Variants in ZNF280C observed in about 807,000 individuals in gnomAD.
ZNF280C encodes the protein zinc finger protein 280C, also known as suppressor of hairy wing homolog 3.
A neutral mutation model predicts 53.6 loss-of-function variants in ZNF280C; 14 were observed. That is an observed-to-expected ratio of 0.26 (90% CI 0.17 to 0.41). The LOEUF is 0.41. ZNF280C is among the 10% of genes least tolerant of loss of function. The probability of loss-of-function intolerance (pLI) is 1.00; values close to 1 mark genes in which losing one functional copy is unlikely to be tolerated. For synonymous variants in ZNF280C, 203 were observed against 181.1 expected (o/e 1.12, Z -0.97); for missense variants, 416 against 547.1 (o/e 0.76, Z 2.39).
chrX:130,250,648 A>G (rs1357227400), intron 2 of ZNF280C, among the ~76,000 whole-genome samples: 2 of 112,043 alleles, frequency 1.8e-5, no homozygotes, highest in East Asian at 2.8e-4. Context: ...AGAGCCTACC[A>G]ATCAAAAAAA....
At chrX:130,217,854 C>A (rs891694306) in intron 13 of ZNF280C, among the ~76,000 whole-genome samples, 1 of 112,089 alleles carries the variant, frequency 8.9e-6, no homozygotes, top group Non-Finnish European at 1.9e-5. Flanking sequence ...AGAGCACATT[C>A]CATAGCTATT....
intron 15 of ZNF280C, 97 bp from the exon 16 acceptor site, chrX:130,209,812 G>A: frequency 1.5e-6 from 1 of 673,665 alleles, no homozygotes; most frequent in Middle Eastern, 3.6e-4. Context: ...TAATTTCTTA[G>A]TTTTGAATAA....
chrX:130,237,288 T>C lies in ZNF280C; in HGVS notation c.494-649A>G, dbSNP rs189742792. ...TCATTCATATGAAAAGGTTTAGAGT[T>C]AGTATAATGACTTTCAAAGTATGTT... On this transcript the variant is annotated intron_variant, in intron 6 of 18. Coordinates refer to ENST00000370978, the MANE Select transcript of ZNF280C (RefSeq NM_017666.5). 1.3e-3 allele frequency among the ~76,000 whole-genome samples: 148 copies of C among 111,742 alleles called. 1 individual carries two copies. Among genetic ancestry groups the C allele is most frequent in the South Asian group, 0.013 (35 of 2,694 alleles).
At chrX:130,253,519 G>A (rs1216667225) in intron 2 of ZNF280C, among the ~76,000 whole-genome samples, 1 of 111,576 alleles carries the variant, frequency 9.0e-6, no homozygotes, top group Non-Finnish European at 1.9e-5. Flanking sequence ...AATGGTACAG[G>A]GCTACAATAA....
At chrX:130,211,656 A>G (rs772595982) in intron 15 of ZNF280C, among the ~76,000 whole-genome samples, 8 of 111,670 alleles carry the variant, frequency 7.2e-5, no homozygotes, top group Non-Finnish European at 1.5e-4. Flanking sequence ...GGAAGCTTTC[A>G]GTTCTAGATG....
Position 130,206,931 on chromosome X carries a change from T to C in ZNF280C, c.2043-1516A>G, listed in dbSNP as rs1426373324. On this transcript the variant is annotated intron_variant, in intron 16 of 18. Transcript: ENST00000370978. ...TTACTCTATGCCAGTCTGAGGGTTT[T>C]AGACATTATTGCCTGATCTAAATCT... Among the ~76,000 whole-genome samples the C allele has an allele frequency of 3.6e-5, 4 of 112,325 alleles. No individual in the cohort carries two copies. The Admixed American group carries it at 3.8e-4, about 11-fold the overall frequency.
At chrX:130,268,347 A>T (rs1222810700) in intron 1 of ZNF280C, among the ~76,000 whole-genome samples, 1 of 111,501 alleles carries the variant, frequency 9.0e-6, no homozygotes, top group Non-Finnish European at 1.9e-5. Context: ...CGTTTGATTG[A>T]AGAGACTTGA....
In ZNF280C at chrX:130,204,716, T is replaced by C. The variant is rs1274201416; in HGVS notation, c.*261A>G. ...TAATATTCTGAAGGCAAGTCAAGTA[T>C]AGCAGAGAAAAACAAAAGGCATTTT... On this transcript the variant is annotated 3_prime_UTR_variant, in exon 19 of 19. Transcript: ENST00000370978. 1 of 272,432 alleles carries C rather than the reference T, an allele frequency of 3.7e-6. No individual in the cohort carries two copies. 22.5% of individuals were successfully genotyped at this position (272,432 alleles called of 1,213,427 possible). A position where few individuals can be genotyped will look rare whatever the true frequency, so the allele number is the denominator to read the frequency against.
chrX:130,213,115 A>C (rs1316658517), intron 15 of ZNF280C, among the ~76,000 whole-genome samples: 1 of 111,908 alleles, frequency 8.9e-6, no homozygotes, highest in Non-Finnish European at 1.9e-5. Flanking sequence ...GAACTTTGGG[A>C]GGCCGAGGCG....
At chrX:130,206,122 G>T (rs1368021693) in intron 16 of ZNF280C, among the ~76,000 whole-genome samples, 1 of 109,881 alleles carries the variant, frequency 9.1e-6, no homozygotes, top group Non-Finnish European at 1.9e-5. Flanking sequence ...CACCCACACT[G>T]TACTACTAGG....
rs1468501037 is a variant in ZNF280C, at chrX:130,243,319, A to AGG, written c.381+243_381+244insCC. On this transcript the variant is annotated intron_variant, in intron 5 of 18. Coordinates refer to ENST00000370978, the MANE Select transcript of ZNF280C (RefSeq NM_017666.5). ...CATCTCAGCCTCCCGAGTAGCTGGG[A>AGG]CTACAGGTGGTGCACCACTATGCCC... Among the ~76,000 whole-genome samples, 3 of 111,162 alleles carry AGG rather than the reference A, an allele frequency of 2.7e-5. No homozygotes were observed. In the East Asian group the frequency reaches 8.5e-4, roughly 31 times the overall value.
At chrX:130,256,228 TAAG>T (rs2032569905) in intron 2 of ZNF280C, among the ~76,000 whole-genome samples, 1 of 111,338 alleles carries the variant, frequency 9.0e-6, no homozygotes, top group South Asian at 3.8e-4. Context: ...AAACAAGACT[TAAG>T]AAGGAGAATG....
intron 1 of ZNF280C, among the ~76,000 whole-genome samples, chrX:130,263,310 C>A (rs2032650644): frequency 8.9e-6 from 1 of 112,392 alleles, no homozygotes; most frequent in Non-Finnish European, 1.9e-5. Flanking sequence ...ACTCAAATAC[C>A]CATCAACTCA....
chrX:130,226,706 T>A, intron 12 of ZNF280C, 53 bp downstream of exon 12: 1 of 1,132,176 alleles, frequency 8.8e-7, no homozygotes, highest in Admixed American at 2.5e-5. Context: ...TACATATAGA[T>A]CTATATCTTT....
chrX:130,234,277 G>C (rs1191263461), intron 8 of ZNF280C, among the ~76,000 whole-genome samples: 1 of 111,753 alleles, frequency 8.9e-6, no homozygotes, highest in African/African-American at 3.3e-5. Context: ...CAAACAAAAA[G>C]CACTGAACAG....
chrX:130,253,207 A>C (rs916760268), intron 2 of ZNF280C, among the ~76,000 whole-genome samples: 1 of 112,368 alleles, frequency 8.9e-6, no homozygotes, highest in African/African-American at 3.2e-5. Context: ...AGAGCTAACC[A>C]GGGAGGTTAA....
intron 1 of ZNF280C, among the ~76,000 whole-genome samples, chrX:130,261,802 C>T (rs2032632936): frequency 9.1e-6 from 1 of 110,265 alleles, no homozygotes; most frequent in Non-Finnish European, 1.9e-5. Flanking sequence ...ATTCATATAA[C>T]ACTTTTTTTT....
chrX:130,257,538 A>G (rs1402374802), intron 2 of ZNF280C, among the ~76,000 whole-genome samples: 1 of 111,844 alleles, frequency 8.9e-6, no homozygotes, highest in African/African-American at 3.2e-5. Flanking sequence ...AAGAGACAAC[A>G]TATGTACATA....
intron 13 of ZNF280C, among the ~76,000 whole-genome samples, chrX:130,219,689 G>A (rs986046987): frequency 9.1e-5 from 10 of 109,646 alleles, no homozygotes; most frequent in African/African-American, 3.3e-4. Flanking sequence ...CACTGTGACA[G>A]ATGCTGGGGA....
Sources: allele counts gnomAD v4.1 joint callset (sites outside exome capture counted in the v4.1 genomes callset), GRCh38; gene constraint gnomAD v4.1.1; transcripts MANE v1.5; gene names NCBI Gene and HGNC (gene_info 2026-07-23, HGNC 2026-07-21).